Variants in ARHGAP22 observed in about 807,000 individuals in gnomAD.
The protein encoded by ARHGAP22 is Rho GTPase activating protein 22.
ARHGAP22 carries 48 observed loss-of-function variants against 59.1 expected under a neutral mutation model. The ratio of observed to expected loss-of-function variants is 0.81; its 90% CI spans 0.64 to 1.03. ARHGAP22 has a LOEUF of 1.03. ARHGAP22 is among the 50% of genes least tolerant of loss of function. The probability of loss-of-function intolerance (pLI) is 0.00; values close to 1 mark genes in which losing one functional copy is unlikely to be tolerated. For missense variants in ARHGAP22, 1,015 were observed against 958.7 expected, an observed-to-expected ratio of 1.06 and a Z score of -0.78; for synonymous variants, 445 against 416.4, an observed-to-expected ratio of 1.07 and a Z score of -0.84.
At chr10:48,471,520 C>T (rs983123950) in intron 4 of ARHGAP22, among the ~76,000 whole-genome samples, 1 of 152,206 alleles carries the variant, frequency 6.6e-6, no homozygotes, top group African/African-American at 2.4e-5. Context: ...GACTCATAGA[C>T]ACCTCAAACC....
Position 48,610,689 on chromosome 10 carries a change from G to A in ARHGAP22, c.53-27537C>T, listed in dbSNP as rs183532298. On this transcript the variant is annotated intron_variant, in intron 1 of 9. Coordinates refer to the ARHGAP22 transcript ENST00000435790. ...GAGGGAAGCAGGGATGGGGAGGAAGGTATCAGAGCACACTGCATACCTGAC... is the reference window on the plus strand; with the variant it reads ...GAGGGAAGCAGGGATGGGGAGGAAGATATCAGAGCACACTGCATACCTGAC... Among the ~76,000 whole-genome samples, 920 of 152,278 alleles carry A rather than the reference G, an allele frequency of 6.0e-3. 2 individuals are homozygous for A. Among genetic ancestry groups the A allele is most frequent in the Non-Finnish European group, 0.01 (685 of 68,024 alleles).
the ARHGAP22 span, chr10:48,431,162 A>C: frequency 6.8e-7 from 1 of 1,471,630 alleles, no homozygotes; most frequent in Non-Finnish European, 9.5e-7. Flanking sequence ...TTAGACTTTG[A>C]AAAGTTCATT....
At chr10:48,452,781 C>T (rs1344330423) in intron 8 of ARHGAP22, among the ~76,000 whole-genome samples, 1 of 152,216 alleles carries the variant, frequency 6.6e-6, no homozygotes, top group Non-Finnish European at 1.5e-5. Flanking sequence ...TACCACAGCA[C>T]AGGCTGGTTG....
At position 48,558,359 on chromosome 10, in the gene ARHGAP22, GT is replaced by G. The variant is rs202094184; in HGVS notation, c.235-2810del. Among the ~76,000 whole-genome samples, 37 of 149,104 alleles carry G rather than the reference GT, an allele frequency of 2.5e-4. 1 individual carries two copies. In the East Asian group the frequency reaches 7.3e-3, roughly 29 times the overall value. ...TTTAATGTTTTTTTTTTGTTTTTTT[GT>G]TTTGTTTTGTTTTGTTTTGCTTTTT... On this transcript the variant is annotated intron_variant, in intron 2 of 9. Coordinates refer to ENST00000249601, the MANE Select transcript of ARHGAP22 (RefSeq NM_021226.4).
Position 48,586,963 on chromosome 10 carries a change from AATTTCCAGACACCTGT to A in ARHGAP22, c.35-3827_35-3812del, listed in dbSNP as rs532526192. Among the ~76,000 whole-genome samples the A allele has an allele frequency of 1.3e-3, 205 of 152,234 alleles. 1 individual carries two copies. The highest frequency in any genetic ancestry group is 3.7e-3 in the Admixed American group (57 of 15,292). The stretch of plus-strand genomic sequence containing the variant: ...CCCTGCAAGTCTTCCTACAGCCTGG[AATTTCCAGACACCTGT>A]ATTTCCAGACACCTGTAGCACCCTA... On this transcript the variant is annotated intron_variant, in intron 1 of 9. Transcript: ENST00000249601.
downstream of ARHGAP22, chr10:48,443,804 CCAT>C (rs2045260120): frequency 6.6e-6 from 1 of 152,138 alleles, no homozygotes; most frequent in Non-Finnish European, 1.5e-5. Context: ...CATTCCTGGT[CCAT>C]CACTCAAAAG....
intron 3 of ARHGAP22, among the ~76,000 whole-genome samples, chr10:48,545,705 T>C (rs1365656573): frequency 6.6e-6 from 1 of 152,204 alleles, no homozygotes; most frequent in African/African-American, 2.4e-5. Flanking sequence ...TCCTTCAAGG[T>C]CAGGCCTCCC....
chr10:48,592,508 C>T (rs763272687), intron 1 of ARHGAP22, among the ~76,000 whole-genome samples: 1 of 152,150 alleles, frequency 6.6e-6, no homozygotes, highest in African/African-American at 2.4e-5. Context: ...TCCTGGGTTC[C>T]AAGATTATAC....
intron 2 of ARHGAP22, among the ~76,000 whole-genome samples, chr10:48,569,778 A>G (rs1283796929): frequency 6.6e-6 from 1 of 152,198 alleles, no homozygotes; most frequent in Non-Finnish European, 1.5e-5. Context: ...TCCGTCTTGT[A>G]GGCAGTATAG....
intron 3 of ARHGAP22, among the ~76,000 whole-genome samples, chr10:48,483,927 A>G (rs2049594615): frequency 6.6e-6 from 1 of 152,180 alleles, no homozygotes; most frequent in Non-Finnish European, 1.5e-5. Context: ...GTGCTTTAGA[A>G]GCCTTAGCCA....
intron 2 of ARHGAP22, among the ~76,000 whole-genome samples, chr10:48,558,739 T>C (rs1353016657): frequency 6.6e-6 from 1 of 152,186 alleles, no homozygotes; most frequent in African/African-American, 2.4e-5. Context: ...TCTAACCCTA[T>C]AGGTCTGGGG....
At chr10:48,560,173 A>G (rs2057593466) in intron 2 of ARHGAP22, among the ~76,000 whole-genome samples, 1 of 152,178 alleles carries the variant, frequency 6.6e-6, no homozygotes, top group Non-Finnish European at 1.5e-5. Context: ...TTGTCTGGCT[A>G]TTCTAGGCCC....
chr10:48,464,449 G>A (rs974000547), intron 4 of ARHGAP22, among the ~76,000 whole-genome samples: 2 of 152,254 alleles, frequency 1.3e-5, no homozygotes, highest in Admixed American at 1.3e-4. Context: ...CTTCTAGAGA[G>A]AACAGGTTCA....
intron 1 of ARHGAP22, among the ~76,000 whole-genome samples, chr10:48,643,864 T>A (rs535940372): frequency 1.1e-4 from 16 of 152,112 alleles, no homozygotes; most frequent in Admixed American, 2.6e-4. Flanking sequence ...AGAAACATTC[T>A]GGGCCAGGCG....
chr10:48,452,422 A>C (rs1017609637), intron 8 of ARHGAP22, among the ~76,000 whole-genome samples: 6 of 152,192 alleles, frequency 3.9e-5, no homozygotes, highest in Non-Finnish European at 8.8e-5. Flanking sequence ...TCCCTCAAGC[A>C]TCTGTACCAC....
At chr10:48,555,426 C>G in intron 3 of ARHGAP22, 37 bp downstream of exon 3, 1 of 1,598,840 alleles carries the variant, frequency 6.3e-7, no homozygotes, top group Non-Finnish European at 8.6e-7. Flanking sequence ...GCAACACCCC[C>G]ACCAGGGCTG....
the ARHGAP22 span, among the ~76,000 whole-genome samples, chr10:48,439,947 CTGCTGCTGG>C: frequency 6.6e-6 from 1 of 152,210 alleles, no homozygotes; most frequent in Non-Finnish European, 1.5e-5. Context: ...TAGCTGCCCG[CTGCTGCTGG>C]ATCAGCTGCG....
intron 3 of ARHGAP22, among the ~76,000 whole-genome samples, chr10:48,496,699 G>C (rs1301497183): frequency 1.3e-5 from 2 of 152,190 alleles, no homozygotes; most frequent in African/African-American, 4.8e-5. Flanking sequence ...TAGGAAGACA[G>C]CCGGTAACAC....
At chr10:48,453,708 C>T (rs557717583) in intron 7 of ARHGAP22, among the ~76,000 whole-genome samples, 2 of 152,342 alleles carry the variant, frequency 1.3e-5, no homozygotes, top group South Asian at 4.1e-4. Context: ...CTGGGAAGTC[C>T]CAGACCCCAG....
Sources: gnomAD v4.1 joint callset for allele counts (sites outside exome capture counted in the v4.1 genomes callset) on GRCh38, gnomAD v4.1.1 for gene constraint, MANE v1.5 for transcripts, NCBI Gene and HGNC (gene_info 2026-07-23, HGNC 2026-07-21) for gene names.